The following SUPV3L1 variants were observed in gnomAD, a reference collection of about 807,000 sequenced individuals.
SUPV3L1 encodes the protein Suv3 like RNA helicase.
Under a neutral mutation model 70.0 loss-of-function variants are expected in SUPV3L1, and 35 were observed. That is an observed-to-expected ratio of 0.50 (90% CI 0.38 to 0.66). SUPV3L1 has a LOEUF of 0.66. SUPV3L1 is among the 30% of genes least tolerant of loss of function. The pLI is 0.00. For synonymous variants in SUPV3L1, 364 were observed against 341.9 expected (o/e 1.06, Z -0.71); for missense variants, 777 against 961.5 (o/e 0.81, Z 2.54).
chr10:69,199,126 A>G lies in SUPV3L1; in HGVS notation c.1227A>G (p.Lys409=). The change falls in exon 10 of 15, where the codon AAA becomes AAG. Residue 409 remains lysine (K), a synonymous_variant. Coordinates refer to ENST00000359655, the MANE Select transcript of SUPV3L1 (RefSeq NM_003171.5). ...TAGGGACCAAACTTGCTCAAGCAAA[A>G]AAGTTTAATGATCCCAATGACCCAT... is the stretch of plus-strand genomic sequence containing the variant. ...LPPGTKLAQA[K]KFNDPNDPCK... The G allele has an allele frequency of 6.2e-7, 1 of 1,612,048 alleles. No individual in the cohort carries two copies. The highest frequency in any genetic ancestry group is 8.5e-7 in the Non-Finnish European group (1 of 1,179,412).
chr10:69,208,570 T>C, intron 14 of SUPV3L1, 30 bp from the exon 15 acceptor site: 5 of 1,591,970 alleles, frequency 3.1e-6, no homozygotes, highest in Non-Finnish European at 4.3e-6. Flanking sequence ...TAAGAGCTGT[T>C]GCTATAATGC....
intron 10 of SUPV3L1, 74 bp from the exon 11 acceptor site, chr10:69,200,206 G>A: frequency 8.1e-7 from 1 of 1,232,670 alleles, no homozygotes; most frequent in East Asian, 2.4e-5. Flanking sequence ...GTATTGGAGT[G>A]AGCATTATGC....
rs768422296 is a variant in SUPV3L1 at position 69,189,218 on chromosome 10, A to T, written c.573-49A>T. On this transcript the variant is annotated intron_variant, in intron 4 of 14. Coordinates refer to ENST00000359655, the MANE Select transcript of SUPV3L1 (RefSeq NM_003171.5). Reference sequence around the variant, plus strand: ...TGTTTCATTTGCTGTCTTTGCCAGGATGGATTTTGAGGTTAATGGATTAAG... The same window carrying T: ...TGTTTCATTTGCTGTCTTTGCCAGGTTGGATTTTGAGGTTAATGGATTAAG... 1.9e-6 allele frequency: 3 copies of T among 1,542,196 alleles called. No individual in the cohort carries two copies. In the East Asian group the frequency reaches 7.0e-5, roughly 36 times the overall value.
Position 69,194,837 on chromosome 10 carries a change from T to C in SUPV3L1, c.854-351T>C, listed in dbSNP as rs192972256. 7.9e-4 allele frequency among the ~76,000 whole-genome samples: 113 copies of C among 142,460 alleles called. 1 individual carries two copies. The highest frequency in any genetic ancestry group is 3.7e-3 in the East Asian group (19 of 5,120). The allele number at this position is 142,460 out of a possible 152,430, so 93.5% of individuals were successfully genotyped here. A position where few individuals can be genotyped will look rare whatever the true frequency, so the allele number is the denominator to read the frequency against. ...ACAACAGTGAGACCCTGTATCTAAATTAAAAAGAAAAAAAAAAGAGTATAG... is the reference window on the plus strand; with the variant it reads ...ACAACAGTGAGACCCTGTATCTAAACTAAAAAGAAAAAAAAAAGAGTATAG... On this transcript the variant is annotated intron_variant, in intron 6 of 14. Transcript: ENST00000359655.
chr10:69,202,763 G>A lies in SUPV3L1; in HGVS notation c.1600-104G>A, dbSNP rs188182606. 2.4e-6 allele frequency: 3 copies of A among 1,258,594 alleles called. No individual in the cohort carries two copies. In the Admixed American group the frequency reaches 6.7e-5, roughly 28 times the overall value. The allele number at this position is 1,258,594 out of a possible 1,614,324, so 78.0% of individuals were successfully genotyped here. On this transcript the variant is annotated intron_variant, in intron 12 of 14. Coordinates refer to ENST00000359655, the MANE Select transcript of SUPV3L1 (RefSeq NM_003171.5). ...TTAAAGCAAGCCTTTATGGAAGTTT[G>A]TTCTGGATTAAAGAGATTGTCTTTT...
intron 11 of SUPV3L1, 100 bp from the exon 12 acceptor site, chr10:69,202,339 C>T (rs756189698): frequency 3.3e-6 from 3 of 922,830 alleles, no homozygotes; most frequent in Non-Finnish European, 4.9e-6. Flanking sequence ...ATGGTGAGAG[C>T]TTAGCCTGAA....
At chr10:69,203,790 A>G (rs962484612) in intron 13 of SUPV3L1, among the ~76,000 whole-genome samples, 4 of 151,926 alleles carry the variant, frequency 2.6e-5, no homozygotes, top group African/African-American at 9.7e-5. Context: ...CAATGGTGCA[A>G]TCACAGCTCA....
chr10:69,182,017 C>G (rs12254364), intron 1 of SUPV3L1, among the ~76,000 whole-genome samples: 6,180 of 144,774 alleles, frequency 0.043, 450 homozygotes, highest in African/African-American at 0.15. Flanking sequence ...TTTTTAGAGA[C>G]AGGGTCTTGC....
rs749826593 is a variant in SUPV3L1 at position 69,180,598 on chromosome 10, G to C, written c.271+36G>C. 1.9e-6 allele frequency: 3 copies of C among 1,607,624 alleles called. No homozygotes were observed. The South Asian group carries it at 3.3e-5, about 18-fold the overall frequency. ...GAACTACTGAGGGCGGCAGAGGGTGGTGTCTGCTGGGCCGAGGCTGGTTGG... is the reference window on the plus strand; with the variant it reads ...GAACTACTGAGGGCGGCAGAGGGTGCTGTCTGCTGGGCCGAGGCTGGTTGG... On this transcript the variant is annotated intron_variant, in intron 1 of 14. Coordinates refer to ENST00000359655, the MANE Select transcript of SUPV3L1 (RefSeq NM_003171.5).
At chr10:69,199,304 A>G (rs1842624729) in intron 10 of SUPV3L1, 107 bp downstream of exon 10, 1 of 795,676 alleles carries the variant, frequency 1.3e-6, no homozygotes, top group Admixed American at 2.8e-5. Flanking sequence ...ATGATTTGGG[A>G]GAATAAATAT....
At chr10:69,187,616 T>C (rs961434656) in intron 3 of SUPV3L1, 26 bp from the exon 4 acceptor site, 2 of 1,490,946 alleles carry the variant, frequency 1.3e-6, no homozygotes, top group Non-Finnish European at 1.9e-6. Context: ...AGATTGCACA[T>C]GTTAATACAG....
Position 69,189,298 on chromosome 10 carries a change from A to T in SUPV3L1, c.604A>T (p.Ile202Leu), listed in dbSNP as rs750422829. 6.2e-7 allele frequency: 1 copy of T among 1,613,980 alleles called. No homozygotes were observed. The highest frequency in any genetic ancestry group is 8.5e-7 in the Non-Finnish European group (1 of 1,180,002). The change falls in exon 5 of 15, where the codon ATA becomes TTA. Residue 202 changes from isoleucine (I) to leucine (L), a missense_variant. Transcript: ENST00000359655. The stretch of plus-strand genomic sequence containing the variant: ...AGATGCTAGAGCCATGCAGCGGAAG[A>T]TAATATTTCATTCAGGCCCCACAAA... Reference protein sequence around the residue: ...YPDARAMQRKIIFHSGPTNSG... With the variant: ...YPDARAMQRKLIFHSGPTNSG...
intron 1 of SUPV3L1, chr10:69,182,761 C>G (rs767681915): frequency 4.3e-4 from 343 of 796,724 alleles, no homozygotes; most frequent in Non-Finnish European, 4.8e-4. Context: ...TTACTACACT[C>G]TGATATAGCC....
intron 11 of SUPV3L1, 69 bp downstream of exon 11, chr10:69,200,568 A>T: frequency 1.5e-6 from 2 of 1,324,064 alleles, no homozygotes; most frequent in Non-Finnish European, 2.1e-6. Flanking sequence ...CCCACCATCC[A>T]GACTCTCACC....
At chr10:69,208,508 T>A (rs1017466580) in intron 14 of SUPV3L1, 92 bp from the exon 15 acceptor site, 1 of 1,322,970 alleles carries the variant, frequency 7.6e-7, no homozygotes, top group African/African-American at 1.5e-5. Flanking sequence ...CATTTAGAAT[T>A]TATCAATGTC....
At chr10:69,181,006 G>A (rs1295623304) in intron 1 of SUPV3L1, among the ~76,000 whole-genome samples, 1 of 152,152 alleles carries the variant, frequency 6.6e-6, no homozygotes, top group Admixed American at 6.5e-5. Flanking sequence ...TGTGGTGGTT[G>A]CCAAGAGGAA....
At chr10:69,186,320 A>T in intron 2 of SUPV3L1, 123 bp from the exon 3 acceptor site, 1 of 703,630 alleles carries the variant, frequency 1.4e-6, no homozygotes, top group Non-Finnish European at 2.3e-6. Flanking sequence ...AACCAGCTGT[A>T]CTGCCAAAAA....
At chr10:69,185,207 C>T (rs1842185491) in intron 1 of SUPV3L1, among the ~76,000 whole-genome samples, 1 of 152,174 alleles carries the variant, frequency 6.6e-6, no homozygotes, top group East Asian at 1.9e-4. Flanking sequence ...TTTAGTTATG[C>T]CATCTAGCAC....
chr10:69,183,124 C>T (rs752478243), intron 1 of SUPV3L1, among the ~76,000 whole-genome samples: 24 of 152,222 alleles, frequency 1.6e-4, no homozygotes, highest in Non-Finnish European at 2.6e-4. Flanking sequence ...TGCAGGTGCT[C>T]AGGTCAAAAC....
Sources: gnomAD v4.1 joint callset for allele counts (sites outside exome capture counted in the v4.1 genomes callset) on GRCh38, gnomAD v4.1.1 for gene constraint, MANE v1.5 for transcripts, NCBI Gene and HGNC (gene_info 2026-07-23, HGNC 2026-07-21) for gene names.